The following ERCC6L2 variants were observed in gnomAD, a reference collection of about 807,000 sequenced individuals.
ERCC6L2 encodes the protein DNA excision repair protein ERCC-6-like 2.
Under a neutral mutation model 132.0 loss-of-function variants are expected in ERCC6L2, and 77 were observed. That is an observed-to-expected ratio of 0.58 (90% confidence interval 0.49 to 0.71). The LOEUF is 0.71. ERCC6L2 is among the 30% of genes least tolerant of loss of function. The probability of loss-of-function intolerance (pLI) is 0.00; values close to 1 mark genes in which losing one functional copy is unlikely to be tolerated. For synonymous variants in ERCC6L2, 583 were observed against 632.4 expected (o/e 0.92, Z 1.17); for missense variants, 1,542 against 1,837.6 (o/e 0.84, Z 2.94).
chr9:96,028,284 G>A (rs1245677006), intron 19 of ERCC6L2, among the ~76,000 whole-genome samples: 1 of 152,182 alleles, frequency 6.6e-6, no homozygotes, highest in Non-Finnish European at 1.5e-5. Context: ...TTCCCAAGCT[G>A]TGTTTCTTGG....
rs1254484566 is a variant in ERCC6L2 at position 96,015,619 on chromosome 9, C to T, written c.*2416C>T. Among the ~76,000 whole-genome samples the T allele has an allele frequency of 4.8e-5, 7 of 147,172 alleles. No individual in the cohort carries two copies. The highest frequency in any genetic ancestry group is 1.0e-4 in the Non-Finnish European group (7 of 66,774). On this transcript the variant is annotated 3_prime_UTR_variant, in exon 19 of 19. Transcript: ENST00000653738. ...GACTATCCTGGCTAACGCGGTGAAA[C>T]CCCGTCTCTACTAAAAAAAAAAAAA...
intron 3 of ERCC6L2, among the ~76,000 whole-genome samples, chr9:95,906,280 T>C (rs1465502600): frequency 1.3e-5 from 2 of 152,146 alleles, no homozygotes; most frequent in Non-Finnish European, 2.9e-5. Context: ...AAAATTTTTG[T>C]TTTTCGGATT....
At chr9:95,947,543 G>A (rs1002976928) in intron 12 of ERCC6L2, among the ~76,000 whole-genome samples, 6 of 152,186 alleles carry the variant, frequency 3.9e-5, no homozygotes, top group African/African-American at 1.4e-4. Flanking sequence ...GATCATTGTT[G>A]AAGGTACCTA....
chr9:95,889,268 G>C (rs1209318920), intron 2 of ERCC6L2, among the ~76,000 whole-genome samples: 4 of 152,104 alleles, frequency 2.6e-5, no homozygotes, highest in Non-Finnish European at 4.4e-5. Context: ...TGAGCAAATT[G>C]AATTATGAAT....
rs1262360422 is a variant in ERCC6L2, at chr9:95,875,697, T to C, written c.-342T>C. On this transcript the variant is annotated 5_prime_UTR_variant, in exon 1 of 19. Coordinates refer to ENST00000653738, the MANE Select transcript of ERCC6L2 (RefSeq NM_020207.7). Reference sequence around the variant, plus strand: ...GGGTTAGGAGACGGAAGTCAGAGCCTAGGAAGATTTGGGGGTCGCCTTGCC... The same window carrying C: ...GGGTTAGGAGACGGAAGTCAGAGCCCAGGAAGATTTGGGGGTCGCCTTGCC... The C allele has an allele frequency of 5.1e-6, 2 of 394,596 alleles. No homozygotes were observed. The highest frequency in any genetic ancestry group is 2.0e-5 in the African/African-American group (1 of 49,280). The allele number at this position is 394,596 out of a possible 1,614,324, so 24.4% of individuals were successfully genotyped here. A position where few individuals can be genotyped will look rare whatever the true frequency, so the allele number is the denominator to read the frequency against.
rs761758577 is a variant in ERCC6L2 at position 95,987,098 on chromosome 9, C to T, written c.3492+8883C>T. Among the ~76,000 whole-genome samples, 229 of 152,182 alleles carry T rather than the reference C, an allele frequency of 1.5e-3. 5 individuals carry two copies. The highest frequency in any genetic ancestry group is 4.1e-4 in the Non-Finnish European group (28 of 68,034). On this transcript the variant is annotated intron_variant, in intron 17 of 18. Coordinates refer to ENST00000653738, the MANE Select transcript of ERCC6L2 (RefSeq NM_020207.7). ...CCCCTGTGATTCAATTATCTCCCAT[C>T]GAGTACTTCCCACAACACAGGAGAA...
intron 11 of ERCC6L2, among the ~76,000 whole-genome samples, chr9:95,935,309 A>G (rs574991233): frequency 6.6e-5 from 10 of 152,200 alleles, no homozygotes; most frequent in Non-Finnish European, 1.3e-4. Context: ...TAGCATAGGT[A>G]CCAAAATAAC....
At chr9:95,923,509 G>GCACCACTT in intron 9 of ERCC6L2, 130 bp downstream of exon 9, 3 of 1,053,032 alleles carry the variant, frequency 2.8e-6, no homozygotes, top group Non-Finnish European at 4.1e-6. Context: ...ATGGACAAGT[G>GCACCACTT]GTGCAATTGT....
At chr9:95,903,543 G>T (rs1465130297) in intron 3 of ERCC6L2, among the ~76,000 whole-genome samples, 2 of 151,952 alleles carry the variant, frequency 1.3e-5, no homozygotes, top group Non-Finnish European at 2.9e-5. Context: ...TGCAAGAGTT[G>T]ATATTTATTG....
At chr9:95,876,110 C>G (rs1298452031) in intron 1 of ERCC6L2, 26 bp downstream of exon 1, 4 of 1,553,804 alleles carry the variant, frequency 2.6e-6, no homozygotes, top group Non-Finnish European at 3.5e-6. Flanking sequence ...TCGCCCCTTA[C>G]GCAGAGGCCT....
Position 95,916,169 on chromosome 9 carries a change from A to G in ERCC6L2, c.951-58A>G. The G allele has an allele frequency of 2.7e-6, 4 of 1,475,788 alleles. No homozygotes were observed. The East Asian group carries it at 6.8e-5, about 25-fold the overall frequency. The allele number at this position is 1,475,788 out of a possible 1,614,324, so 91.4% of individuals were successfully genotyped here. A position where few individuals can be genotyped will look rare whatever the true frequency, so the allele number is the denominator to read the frequency against. On this transcript the variant is annotated intron_variant, in intron 5 of 18. Coordinates refer to ENST00000653738, the MANE Select transcript of ERCC6L2 (RefSeq NM_020207.7). ...TAATGTAGTATATCTCTTAGAAGCAAGAAGTTAGTGTTTTTAGATAATAAA... is the reference window on the plus strand; with the variant it reads ...TAATGTAGTATATCTCTTAGAAGCAGGAAGTTAGTGTTTTTAGATAATAAA...
At chr9:95,880,102 CTT>C (rs1017248479) in intron 1 of ERCC6L2, among the ~76,000 whole-genome samples, 6 of 152,100 alleles carry the variant, frequency 3.9e-5, no homozygotes, top group Non-Finnish European at 7.4e-5. Context: ...AGGTAATACT[CTT>C]TAAAGTGTAA....
intron 17 of ERCC6L2, among the ~76,000 whole-genome samples, chr9:95,984,992 G>A (rs1276189452): frequency 1.3e-5 from 2 of 152,202 alleles, no homozygotes; most frequent in Non-Finnish European, 2.9e-5. Context: ...CAATCATGGT[G>A]TTGGATGGAT....
At chr9:96,038,382 C>T (rs1002093699) in intron 19 of ERCC6L2, among the ~76,000 whole-genome samples, 1 of 152,156 alleles carries the variant, frequency 6.6e-6, no homozygotes, top group South Asian at 2.1e-4. Context: ...ACTGCAGAGT[C>T]GTATGTGAGG....
rs747182427 is a variant in ERCC6L2, at chr9:95,972,625, A to C, written c.2874A>C (p.Lys958Asn). Reference sequence around the variant, plus strand: ...ACAAAAGAAATGGAATAATTTCAAAAAAGTTAAGTCCTGAGAACACAACCC... The same window carrying C: ...ACAAAAGAAATGGAATAATTTCAAACAAGTTAAGTCCTGAGAACACAACCC... ...TDDKRNGIIS[K>N]KLSPENTTLK... Residue 958 changes from lysine to asparagine, a missense_variant, in exon 16 of 19, where the codon AAA becomes AAC. Around this residue, in one of 4 missense-constraint regions of ERCC6L2, gnomAD observed 945 missense variants for 1,105.2 expected, o/e 0.86. Coordinates refer to ENST00000653738, the MANE Select transcript of ERCC6L2 (RefSeq NM_020207.7). The C allele has an allele frequency of 1.6e-5, 21 of 1,291,356 alleles. No homozygotes were observed. Among genetic ancestry groups the C allele is most frequent in the Non-Finnish European group, 2.1e-5 (21 of 988,692 alleles). 80.0% of individuals were successfully genotyped at this position (1,291,356 alleles called of 1,614,324 possible). A position where few individuals can be genotyped will look rare whatever the true frequency, so the allele number is the denominator to read the frequency against.
chr9:95,906,811 C>T, intron 3 of ERCC6L2: 2 of 508,364 alleles, frequency 3.9e-6, no homozygotes, highest in Non-Finnish European at 7.3e-6. Flanking sequence ...TTCTCAGTGC[C>T]TTTTTGGTAG....
chr9:95,990,697 G>C (rs1179350969), intron 17 of ERCC6L2, among the ~76,000 whole-genome samples: 1 of 152,172 alleles, frequency 6.6e-6, no homozygotes, highest in African/African-American at 2.4e-5. Flanking sequence ...CTCTCTGGTG[G>C]GAGCAGGCTC....
At chr9:95,906,713 A>C in intron 3 of ERCC6L2, 1 of 460,790 alleles carries the variant, frequency 2.2e-6, no homozygotes, top group South Asian at 1.5e-5. Flanking sequence ...CTGCTTGTGT[A>C]TGTACATTAC....
chr9:95,889,644 A>T (rs553581963), intron 2 of ERCC6L2, among the ~76,000 whole-genome samples: 20 of 152,150 alleles, frequency 1.3e-4, no homozygotes, highest in African/African-American at 4.8e-4. Flanking sequence ...AAGTTTTTTC[A>T]TGCCCCTTTC....
Sources: allele counts gnomAD v4.1 joint callset (sites outside exome capture counted in the v4.1 genomes callset), GRCh38; gene constraint gnomAD v4.1.1; regional missense constraint gnomAD v4.1.1; transcripts MANE v1.5; gene names NCBI Gene and HGNC (gene_info 2026-07-23, HGNC 2026-07-21).